Variants in SFI1 observed in about 807,000 individuals in gnomAD.
The protein encoded by SFI1 is protein SFI1 homolog.
Under a neutral mutation model 207.5 loss-of-function variants are expected in SFI1, and 195 were observed. That is an observed-to-expected ratio of 0.94 (90% CI 0.84 to 1.06). SFI1 has a LOEUF of 1.06. Ranked by LOEUF, SFI1 falls within the 50% of genes least tolerant of loss-of-function variation. SFI1 has a pLI of 0.00. For synonymous variants in SFI1, 630 were observed against 598.9 expected (o/e 1.05, Z -0.76); for missense variants, 1,634 against 1,588.0 (o/e 1.03, Z -0.49).
intron 8 of SFI1, among the ~76,000 whole-genome samples, chr22:31,564,493 C>T (rs2062052573): frequency 6.6e-6 from 1 of 151,344 alleles, no homozygotes; most frequent in African/African-American, 2.4e-5. Context: ...TCTATACTTG[C>T]TCCAGAATTT....
Position 31,522,288 on chromosome 22 carries a change from G to A in SFI1, c.93-6402G>A, listed in dbSNP as rs189878026. Among the ~76,000 whole-genome samples the A allele has an allele frequency of 7.8e-4, 118 of 151,028 alleles. 2 individuals are homozygous for A. In the Middle Eastern group the frequency reaches 0.021, roughly 27 times the overall value. ...TCACCATGTTGGCCAGGCTGCTCTC[G>A]AACTCCTGATCCACCTGCCTCAGCC... On this transcript the variant is annotated intron_variant, in intron 2 of 32. Coordinates refer to ENST00000400288, the MANE Select transcript of SFI1 (RefSeq NM_001007467.3).
At chr22:31,496,452 G>T (rs5998014), upstream of SFI1, 31 of 152,462 alleles carry the variant, frequency 2.0e-4, no homozygotes, top group African/African-American at 6.7e-4. Flanking sequence ...GGGTCTGGGC[G>T]GGGTGGTCCT....
chr22:31,577,590 G>C (rs2063663514), intron 10 of SFI1, among the ~76,000 whole-genome samples: 1 of 152,092 alleles, frequency 6.6e-6, no homozygotes, highest in Non-Finnish European at 1.5e-5. Context: ...TTTTTAAGAA[G>C]AGAAGAGGCT....
chr22:31,513,624 C>A (rs2055988253), intron 2 of SFI1, among the ~76,000 whole-genome samples: 1 of 149,152 alleles, frequency 6.7e-6, no homozygotes, highest in Admixed American at 6.7e-5. Flanking sequence ...GTCGCCCAGG[C>A]TGGAGTGCAG....
At position 31,616,757 on chromosome 22, in the gene SFI1, C is replaced by T. The variant is rs200733766; in HGVS notation, c.3313C>T (p.Arg1105Trp). ...CTTTCCTTTGCAGGTGTCAGCACAG[C>T]GGGCTACTCCTAGGGATAAGCCCCC... Reference protein sequence around the residue: ...AAAPARVSAQRATPRDKPPVP... With the variant: ...AAAPARVSAQWATPRDKPPVP... The change falls in exon 30 of 33, where the codon CGG becomes TGG. Residue 1105 changes from arginine to tryptophan, a missense_variant. Coordinates refer to ENST00000400288, the MANE Select transcript of SFI1 (RefSeq NM_001007467.3). 1.1e-4 allele frequency: 174 copies of T among 1,558,098 alleles called. No homozygotes were observed. Among genetic ancestry groups the T allele is most frequent in the Non-Finnish European group, 1.4e-4 (161 of 1,155,830 alleles).
At chr22:31,553,836 A>ATTTTTTTTTTTTTTTTTTTTTTTT (rs1201513765) in intron 6 of SFI1, among the ~76,000 whole-genome samples, 2 of 21,954 alleles carry the variant, frequency 9.1e-5, no homozygotes, top group African/African-American at 1.4e-4. Context: ...TTAATGGATT[A>ATTTTTTTTTTTTTTTTTTTTTTTT]TGTTTTTTTT....
At chr22:31,612,384 A>AGG (rs2070360244) in intron 24 of SFI1, 4 of 103,034 alleles carry the variant, frequency 3.9e-5, no homozygotes, top group Non-Finnish European at 5.8e-5. Context: ...TGTCTAAAAA[A>AGG]AAAAAAAAAA....
At position 31,613,146 on chromosome 22, in the gene SFI1, C is replaced by T. The variant is rs1279939085; in HGVS notation, c.2495C>T (p.Ala832Val). 6 of 1,613,276 alleles carry T rather than the reference C, an allele frequency of 3.7e-6. No individual in the cohort carries two copies. The Admixed American group carries it at 5.0e-5, about 13-fold the overall frequency. Reference sequence around the variant, plus strand: ...ATCTGGTCTTTCTGGCCCTAGCTGGCAGCCAGGAGGCAGGAGCAGCGGGCG... The same window carrying T: ...ATCTGGTCTTTCTGGCCCTAGCTGGTAGCCAGGAGGCAGGAGCAGCGGGCG... The part of the protein sequence containing the change: ...TCFRQWRQQL[A>V]ARRQEQRATV... The change falls in exon 25 of 33, where the codon GCA (alanine) becomes GTA (valine). Residue 832 changes from alanine to valine, a missense_variant. Coordinates refer to ENST00000400288, the MANE Select transcript of SFI1 (RefSeq NM_001007467.3).
chr22:31,587,136 T>C (rs963657553), intron 14 of SFI1, among the ~76,000 whole-genome samples: 5 of 152,220 alleles, frequency 3.3e-5, no homozygotes, highest in African/African-American at 1.2e-4. Flanking sequence ...GTTGTGTCTG[T>C]ACTGAACATA....
chr22:31,511,339 C>A (rs2055479941), intron 2 of SFI1, among the ~76,000 whole-genome samples: 1 of 152,086 alleles, frequency 6.6e-6, no homozygotes, highest in African/African-American at 2.4e-5. Context: ...TGAACCAGCA[C>A]CCTGACAGTG....
intron 1 of SFI1, among the ~76,000 whole-genome samples, chr22:31,500,788 GT>G (rs1569147749): frequency 3.4e-5 from 5 of 149,082 alleles, no homozygotes; most frequent in South Asian, 2.1e-4. Context: ...GTGTGTGTTT[GT>G]TTTGTTTTTG....
chr22:31,604,247 G>C (rs2068587347), intron 18 of SFI1, 62 bp from the exon 19 acceptor site: 1 of 1,347,374 alleles, frequency 7.4e-7, no homozygotes, highest in Non-Finnish European at 1.0e-6. Context: ...TGGAGGCAAA[G>C]CAGGAAGCCA....
intron 11 of SFI1, 131 bp from the exon 12 acceptor site, chr22:31,580,141 G>T: frequency 1.5e-6 from 1 of 649,676 alleles, no homozygotes; most frequent in Non-Finnish European, 2.7e-6. Flanking sequence ...CAGGGAGATG[G>T]AACAGCTACA....
chr22:31,583,133 G>A (rs542249457), intron 12 of SFI1, among the ~76,000 whole-genome samples: 445 of 152,130 alleles, frequency 2.9e-3, no homozygotes, highest in Non-Finnish European at 4.8e-3. Context: ...GTTTGTTTGA[G>A]ATGGAGTTTC....
At chr22:31,604,767 C>A (rs1451656325) in intron 19 of SFI1, 102 bp from the exon 20 acceptor site, 15 of 1,082,574 alleles carry the variant, frequency 1.4e-5, no homozygotes, top group Admixed American at 7.7e-5. Context: ...TTTTTGAGTT[C>A]TCTGGGCATG....
At chr22:31,588,843 A>C (rs141425079) in intron 14 of SFI1, among the ~76,000 whole-genome samples, 1,649 of 152,094 alleles carry the variant, frequency 0.011, 7 homozygotes, top group Middle Eastern at 0.031. Flanking sequence ...AACAAAAAAA[A>C]CAAAAACATA....
chr22:31,565,520 G>A (rs909135461), intron 8 of SFI1, among the ~76,000 whole-genome samples: 4 of 142,462 alleles, frequency 2.8e-5, no homozygotes, highest in African/African-American at 8.0e-5. Context: ...AACATAGTGA[G>A]ACCCCATCTC....
intron 10 of SFI1, 89 bp from the exon 11 acceptor site, chr22:31,578,293 T>C (rs1389913713): frequency 1.5e-6 from 2 of 1,295,646 alleles, no homozygotes; most frequent in East Asian, 4.9e-5. Context: ...TTATCCCCGA[T>C]AGCCACGGCC....
intron 2 of SFI1, 66 bp from the exon 3 acceptor site, chr22:31,528,624 A>G: frequency 7.0e-7 from 1 of 1,432,132 alleles, no homozygotes; most frequent in Non-Finnish European, 9.7e-7. Flanking sequence ...TGTATATTAA[A>G]AGTATTTGCA....
Sources: allele counts gnomAD v4.1 joint callset (sites outside exome capture counted in the v4.1 genomes callset), GRCh38; gene constraint gnomAD v4.1.1; transcripts MANE v1.5; gene names NCBI Gene and HGNC (gene_info 2026-07-23, HGNC 2026-07-21).